Variants in LPA observed in about 807,000 individuals in gnomAD.
LPA encodes apolipoprotein(a).
A neutral mutation model predicts 197.9 loss-of-function variants in LPA; 199 were observed. The ratio of observed to expected loss-of-function variants is 1.01; its 90% CI spans 0.90 to 1.13. LPA has a LOEUF of 1.13. Ranked by LOEUF, LPA falls within the 50% of genes most tolerant of loss-of-function variation. The probability of loss-of-function intolerance (pLI) is 0.00; values close to 1 mark genes in which losing one functional copy is unlikely to be tolerated. For synonymous variants in LPA, 715 were observed against 639.5 expected (o/e 1.12, Z -1.78); for missense variants, 1,853 against 1,785.8 (o/e 1.04, Z -0.68).
rs765746657 is a variant in LPA at position 160,542,741 on chromosome 6, C to G, written c.5466G>C (p.Gly1822=). 1 of 1,614,036 alleles carries G rather than the reference C, an allele frequency of 6.2e-7. No homozygotes were observed. The highest frequency in any genetic ancestry group is 1.1e-5 in the South Asian group (1 of 91,072). Residue 1822 remains glycine (G), a synonymous_variant, in exon 34 of 39, where the codon GGG becomes GGC. Transcript: ENST00000316300. ...AGGAATGTGGGTGGGCCACACACCC[C>G]CCTACAATGCTTCCAGGACATTTCT... ...EPKKCPGSIV[G]GCVAHPHSWP... is the part of the protein sequence containing the mutation.
In LPA at chr6:160,557,597, C is replaced by G. The variant is rs1472967238; in HGVS notation, c.4632-26G>C. 4 of 1,612,520 alleles carry G rather than the reference C, an allele frequency of 2.5e-6. No homozygotes were observed. The South Asian group carries it at 4.4e-5, about 18-fold the overall frequency. On this transcript the variant is annotated intron_variant, in intron 28 of 38. Coordinates refer to ENST00000316300, the MANE Select transcript of LPA (RefSeq NM_005577.4). ...CTGCAAATTCCAAAACAACACAGGT[C>G]ACAAGAGGCGGGAAAAAATTCAGGG...
At chr6:160,597,477 C>T (rs746932198) in intron 20 of LPA, among the ~76,000 whole-genome samples, 5 of 151,990 alleles carry the variant, frequency 3.3e-5, no homozygotes, top group African/African-American at 9.7e-5. Flanking sequence ...GGTGTGTGCA[C>T]GTGTGCCATT....
chr6:160,653,296 A>C (rs1296457834), intron 1 of LPA, among the ~76,000 whole-genome samples: 2 of 152,158 alleles, frequency 1.3e-5, no homozygotes, highest in Non-Finnish European at 2.9e-5. Context: ...ACAATCTAAA[A>C]GAGAAATAGA....
chr6:160,605,298 G>C lies in LPA; in HGVS notation c.2786-93C>G, dbSNP rs551785502. ...TGGCACAAACCAGAAAAAAGTCTCTGAGAATTATGACCTCAGGAGAATATG... is the reference window on the plus strand; with the variant it reads ...TGGCACAAACCAGAAAAAAGTCTCTCAGAATTATGACCTCAGGAGAATATG... On this transcript the variant is annotated intron_variant, in intron 17 of 38. Transcript: ENST00000316300. The C allele has an allele frequency of 6.4e-6, 9 of 1,408,302 alleles. No individual in the cohort carries two copies. In the Admixed American group the frequency reaches 1.3e-4, roughly 21 times the overall value. 87.2% of individuals were successfully genotyped at this position (1,408,302 alleles called of 1,614,324 possible).
rs756292632 is a variant in LPA, at chr6:160,532,634, C to T, written c.5858G>A (p.Gly1953Asp). ...WGETQGTFGT[G>D]LLKEAQLLVI... ...AAGGAGCTGGGCTTCCTTGAGAAGGCCAGTCCCAAAGGTACCTGTGTTTAA... is the reference window on the plus strand; with the variant it reads ...AAGGAGCTGGGCTTCCTTGAGAAGGTCAGTCCCAAAGGTACCTGTGTTTAA... The change falls in exon 38 of 39, where the codon GGC (glycine) becomes GAC (aspartate). Residue 1953 changes from glycine to aspartate, a missense_variant. Physicochemically the swap from Gly to Asp is moderately conservative, Grantham distance 94 (BLOSUM62 -1). Transcript: ENST00000316300. 7 of 1,604,632 alleles carry T rather than the reference C, an allele frequency of 4.4e-6. No homozygotes were observed. The highest frequency in any genetic ancestry group is 5.1e-6 in the Non-Finnish European group (6 of 1,171,870).
chr6:160,567,400 T>G (rs1479984919), intron 28 of LPA, among the ~76,000 whole-genome samples: 1 of 152,164 alleles, frequency 6.6e-6, no homozygotes, highest in African/African-American at 2.4e-5. Context: ...GACTACTGGG[T>G]ATGTAACGAA....
At chr6:160,564,241 C>G (rs552818123) in intron 28 of LPA, among the ~76,000 whole-genome samples, 1 of 152,238 alleles carries the variant, frequency 6.6e-6, no homozygotes, top group Admixed American at 6.5e-5. Flanking sequence ...TCTTCAGGAC[C>G]TCTTGTAAGG....
chr6:160,605,686 G>T (rs1394771763), intron 17 of LPA, among the ~76,000 whole-genome samples: 1 of 152,100 alleles, frequency 6.6e-6, no homozygotes. Context: ...AAAAGGCAAG[G>T]TCTTCAGCTT....
chr6:160,574,946 T>C (rs571553121), intron 28 of LPA, among the ~76,000 whole-genome samples: 381 of 152,322 alleles, frequency 2.5e-3, no homozygotes, highest in Non-Finnish European at 4.4e-3. Flanking sequence ...TCTTGGGTTT[T>C]TCTTCTATTA....
intron 17 of LPA, among the ~76,000 whole-genome samples, chr6:160,606,017 G>C (rs1779342197): frequency 6.6e-6 from 1 of 152,140 alleles, no homozygotes; most frequent in Admixed American, 6.5e-5. Flanking sequence ...GGGTGATTTG[G>C]AATTAATGCA....
chr6:160,611,441 T>A (rs1779514708), intron 16 of LPA, 121 bp downstream of exon 16: 2 of 1,519,430 alleles, frequency 1.3e-6, no homozygotes, highest in South Asian at 2.2e-5. Flanking sequence ...CCTGAGACAT[T>A]TTGCTACACC....
intron 30 of LPA, among the ~76,000 whole-genome samples, chr6:160,550,119 G>A (rs1018833606): frequency 1.3e-5 from 2 of 151,930 alleles, no homozygotes; most frequent in Non-Finnish European, 2.9e-5. Flanking sequence ...TACTCATGAA[G>A]CTGAGGCAGG....
chr6:160,580,058 C>T (rs1309862618), intron 26 of LPA, among the ~76,000 whole-genome samples: 1 of 152,150 alleles, frequency 6.6e-6, no homozygotes, highest in Admixed American at 6.5e-5. Context: ...CTTCCCACGG[C>T]CAGTGTCAAA....
intron 30 of LPA, among the ~76,000 whole-genome samples, chr6:160,551,659 G>T (rs539373145): frequency 2.0e-5 from 3 of 152,080 alleles, no homozygotes; most frequent in Non-Finnish European, 4.4e-5. Flanking sequence ...CATATTTCAG[G>T]TTCAGTTTTA....
chr6:160,650,276 A>G, intron 2 of LPA, 62 bp downstream of exon 2: 1 of 1,561,300 alleles, frequency 6.4e-7, no homozygotes, highest in Non-Finnish European at 8.8e-7. Context: ...CTTGACGCAC[A>G]CCTTTTCTAA....
intron 22 of LPA, 37 bp from the exon 23 acceptor site, chr6:160,591,138 G>T: frequency 6.2e-7 from 1 of 1,611,482 alleles, no homozygotes; most frequent in Non-Finnish European, 8.5e-7. Context: ...ACCAGAGATG[G>T]GAGAAGATAC....
chr6:160,598,323 C>G (rs926744399), intron 20 of LPA, among the ~76,000 whole-genome samples: 2 of 152,176 alleles, frequency 1.3e-5, no homozygotes, highest in Non-Finnish European at 2.9e-5. Context: ...CAAGTCCATT[C>G]TTACTCTTAG....
chr6:160,655,802 G>T (rs1001004183), intron 1 of LPA, among the ~76,000 whole-genome samples: 5 of 152,174 alleles, frequency 3.3e-5, no homozygotes, highest in African/African-American at 1.2e-4. Flanking sequence ...ATAATGTCAT[G>T]AATGTAATGG....
intron 21 of LPA, among the ~76,000 whole-genome samples, chr6:160,594,923 G>T (rs1011945759): frequency 1.3e-5 from 2 of 152,088 alleles, no homozygotes; most frequent in Admixed American, 1.3e-4. Context: ...GGTTTCTCAA[G>T]GATGACAGAC....
Sources: gnomAD v4.1 joint callset for allele counts (sites outside exome capture counted in the v4.1 genomes callset) on GRCh38, gnomAD v4.1.1 for gene constraint, MANE v1.5 for transcripts, NCBI Gene and HGNC (gene_info 2026-07-23, HGNC 2026-07-21) for gene names.